The following AFF3 variants were observed in gnomAD, a reference collection of about 807,000 sequenced individuals.
The protein encoded by AFF3 is ALF transcription elongation factor 3.
A neutral mutation model predicts 129.7 loss-of-function variants in AFF3; 32 were observed. The observed-to-expected ratio is 0.25, with a 90% CI of 0.19 to 0.33. The LOEUF (loss-of-function observed/expected upper bound fraction) is 0.33. Among genes scored for constraint, AFF3 ranks in the 10% least tolerant of loss-of-function variants. The pLI is 1.00. For missense variants in AFF3, 1,373 were observed against 1,592.0 expected (o/e 0.86, Z 2.34); for synonymous variants, 644 against 635.4 (o/e 1.01, Z -0.20).
At chr2:100,098,969 T>A (rs2666340) in intron 4 of AFF3, among the ~76,000 whole-genome samples, 33,115 of 90,676 alleles carry the variant, frequency 0.37, 7,487 homozygotes, top group African/African-American at 0.49. Context: ...CCTGGAAGCC[T>A]CTCTTCTGAG....
chr2:99,691,363 C>T (rs1391303148), intron 11 of AFF3, among the ~76,000 whole-genome samples: 1 of 152,138 alleles, frequency 6.6e-6, no homozygotes, highest in East Asian at 1.9e-4. Flanking sequence ...CTGCAGCCTG[C>T]GGTTTGGGAC....
chr2:99,700,176 A>G (rs1676710641), intron 11 of AFF3, among the ~76,000 whole-genome samples: 1 of 150,524 alleles, frequency 6.6e-6, no homozygotes, highest in African/African-American at 2.5e-5. Flanking sequence ...GCTGGAGTGC[A>G]GTGGTGCGAT....
At chr2:99,723,451 G>C (rs1216701880) in intron 11 of AFF3, among the ~76,000 whole-genome samples, 3 of 152,280 alleles carry the variant, frequency 2.0e-5, no homozygotes, top group Non-Finnish European at 4.4e-5. Flanking sequence ...TACAGACAGA[G>C]GGATGTATAG....
chr2:99,575,253 G>A (rs991917257), intron 18 of AFF3, among the ~76,000 whole-genome samples: 20 of 151,930 alleles, frequency 1.3e-4, no homozygotes, highest in Non-Finnish European at 2.8e-4. Flanking sequence ...AAGAGACGAT[G>A]CCTATTTTTG....
At chr2:99,696,747 G>A (rs1388816421) in intron 11 of AFF3, among the ~76,000 whole-genome samples, 1 of 150,556 alleles carries the variant, frequency 6.6e-6, no homozygotes, top group African/African-American at 2.5e-5. Context: ...CTGGGCTAAA[G>A]CGATCCTCCC....
chr2:100,009,916 C>G (rs1201035615), intron 4 of AFF3, among the ~76,000 whole-genome samples: 1 of 152,168 alleles, frequency 6.6e-6, no homozygotes, highest in African/African-American at 2.4e-5. Context: ...GTCCTCCTTT[C>G]CCAGCAGAAG....
chr2:99,744,634 T>C (rs909079881), intron 9 of AFF3, among the ~76,000 whole-genome samples: 1 of 152,200 alleles, frequency 6.6e-6, no homozygotes, highest in Non-Finnish European at 1.5e-5. Flanking sequence ...AATGGAATCA[T>C]ACAATATGTG....
chr2:100,025,885 T>C (rs754276755), intron 4 of AFF3, among the ~76,000 whole-genome samples: 2 of 152,220 alleles, frequency 1.3e-5, no homozygotes, highest in African/African-American at 4.8e-5. Context: ...TCTCGCCTTA[T>C]ACAAAAATCA....
chr2:99,650,727 G>A (rs1173003712), intron 12 of AFF3, among the ~76,000 whole-genome samples: 2 of 151,612 alleles, frequency 1.3e-5, no homozygotes, highest in Admixed American at 6.6e-5. Context: ...TACATGAAAT[G>A]AACAAAACTT....
Position 99,910,238 on chromosome 2 carries a change from G to A in AFF3, c.874-72714C>T, listed in dbSNP as rs147703752. On this transcript the variant is annotated intron_variant, in intron 7 of 24. Coordinates refer to ENST00000672756, the MANE Select transcript of AFF3 (RefSeq NM_001386135.1). ...CTGATTTGAGAATAAGCATACTTCT[G>A]TTTAGACAATAATAGAAAACAATTC... Among the ~76,000 whole-genome samples the A allele has an allele frequency of 2.2e-3, 336 of 152,224 alleles. 1 individual carries two copies. Among genetic ancestry groups the A allele is most frequent in the Non-Finnish European group, 3.1e-3 (214 of 68,008 alleles).
chr2:100,064,484 G>C (rs1402060682), intron 4 of AFF3, among the ~76,000 whole-genome samples: 3 of 152,138 alleles, frequency 2.0e-5, no homozygotes, highest in Non-Finnish European at 2.9e-5. Flanking sequence ...TAATATTCTT[G>C]ACTGAATATC....
chr2:99,602,560 C>T (rs1468309080), intron 13 of AFF3, among the ~76,000 whole-genome samples: 1 of 152,214 alleles, frequency 6.6e-6, no homozygotes, highest in Non-Finnish European at 1.5e-5. Context: ...TATTCAACAT[C>T]TTCAAAGTCC....
intron 4 of AFF3, among the ~76,000 whole-genome samples, chr2:100,024,980 T>C (rs1683919576): frequency 1.3e-5 from 2 of 152,194 alleles, no homozygotes; most frequent in Non-Finnish European, 2.9e-5. Context: ...ATATTACTTT[T>C]TAAATACAAA....
At chr2:99,775,553 C>T (rs1181883478) in intron 8 of AFF3, among the ~76,000 whole-genome samples, 1 of 152,072 alleles carries the variant, frequency 6.6e-6, no homozygotes, top group Non-Finnish European at 1.5e-5. Flanking sequence ...TGGGGCCTGT[C>T]AGAGGGCAGG....
chr2:100,044,528 C>T (rs1431654519), intron 4 of AFF3, among the ~76,000 whole-genome samples: 2 of 151,816 alleles, frequency 1.3e-5, no homozygotes, highest in African/African-American at 4.8e-5. Flanking sequence ...ACTTTCCTGT[C>T]CCACTGCAGT....
At chr2:100,082,031 G>GTT (rs1553518844) in intron 4 of AFF3, among the ~76,000 whole-genome samples, 1 of 152,134 alleles carries the variant, frequency 6.6e-6, no homozygotes, top group Non-Finnish European at 1.5e-5. Flanking sequence ...TGTATTGATA[G>GTT]TTCTTCCCTT....
At chr2:99,699,912 C>T (rs189034039) in intron 11 of AFF3, among the ~76,000 whole-genome samples, 52 of 152,312 alleles carry the variant, frequency 3.4e-4, no homozygotes, top group Admixed American at 9.1e-4. Flanking sequence ...TGGGCTTCCA[C>T]CTGTTAACAT....
chr2:99,899,698 T>C (rs1393196203), intron 7 of AFF3, among the ~76,000 whole-genome samples: 3 of 152,202 alleles, frequency 2.0e-5, no homozygotes, highest in Admixed American at 6.5e-5. Context: ...CATAGAAACA[T>C]TCTTTTTCTC....
intron 7 of AFF3, among the ~76,000 whole-genome samples, chr2:99,996,527 A>ATTTTTTTTTTTTTTTTTTTTTTT (rs756231548): frequency 8.8e-6 from 1 of 114,076 alleles, no homozygotes; most frequent in African/African-American, 3.9e-5. Flanking sequence ...CGCCCGGCTA[A>ATTTTTTTTTTTTTTTTTTTTTTT]TTTTTTTTTT....
Sources: gnomAD v4.1 joint callset for allele counts (sites outside exome capture counted in the v4.1 genomes callset) on GRCh38, gnomAD v4.1.1 for gene constraint, MANE v1.5 for transcripts, NCBI Gene and HGNC (gene_info 2026-07-23, HGNC 2026-07-21) for gene names.